The following IKBKB variants were observed in gnomAD, a reference collection of about 807,000 sequenced individuals.
The protein encoded by IKBKB is inhibitor of nuclear factor kappa B kinase subunit beta, also known as inhibitor of nuclear factor kappa-B kinase subunit beta.
A neutral mutation model predicts 113.6 loss-of-function variants in IKBKB; 42 were observed. That is an observed-to-expected ratio of 0.37 (90% CI 0.29 to 0.48). IKBKB has a LOEUF of 0.48. Ranked by LOEUF, IKBKB falls within the 20% of genes least tolerant of loss-of-function variation. The pLI is 0.99. For synonymous variants in IKBKB, 296 were observed against 361.3 expected (o/e 0.82, Z 2.05); for missense variants, 673 against 939.7 (o/e 0.72, Z 3.71).
chr8:42,298,518 G>C, intron 5 of IKBKB: 1 of 977,964 alleles, frequency 1.0e-6, no homozygotes, highest in Non-Finnish European at 1.2e-6. Context: ...TGGATCTTCT[G>C]ACTGGTTCCA....
Position 42,331,427 on chromosome 8 carries a change from G to C in IKBKB, c.*448G>C. 2.8e-6 allele frequency: 2 copies of C among 702,576 alleles called. No individual in the cohort carries two copies. The highest frequency in any genetic ancestry group is 5.2e-6 in the Non-Finnish European group (2 of 384,990). 43.5% of individuals were successfully genotyped at this position (702,576 alleles called of 1,614,324 possible). A position where few individuals can be genotyped will look rare whatever the true frequency, so the allele number is the denominator to read the frequency against. ...TCAGGGCAGAGTCCGAGCAGCGCTT[G>C]GTGACAGCCTGTCCTCTCCTGCTCT... On this transcript the variant is annotated 3_prime_UTR_variant, in exon 22 of 22. Transcript: ENST00000520810.
In IKBKB at chr8:42,320,764, G is replaced by A. The variant is rs1819615067; in HGVS notation, c.1608G>A (p.Arg536=). 1.2e-6 allele frequency: 2 copies of A among 1,612,738 alleles called. No individual in the cohort carries two copies. The highest frequency in any genetic ancestry group is 2.7e-5 in the African/African-American group (2 of 74,836). ...ACGAAGTGAAACTCCTGGTAGAACG[G>A]ATGATGGCTCTGCAGACCGACATTG... ...RENEVKLLVE[R]MMALQTDIVD... Residue 536 remains arginine, a synonymous_variant, in exon 16 of 22, where the codon CGG becomes CGA. Coordinates refer to ENST00000520810, the MANE Select transcript of IKBKB (RefSeq NM_001556.3).
At chr8:42,274,064 A>G (rs1808398533) in intron 2 of IKBKB, among the ~76,000 whole-genome samples, 1 of 151,312 alleles carries the variant, frequency 6.6e-6, no homozygotes, top group East Asian at 2.0e-4. Context: ...AGAGTCTCGC[A>G]CTGTTGCCCA....
chr8:42,313,780 T>G (rs1818169921), intron 8 of IKBKB, among the ~76,000 whole-genome samples: 1 of 152,220 alleles, frequency 6.6e-6, no homozygotes, highest in Admixed American at 6.5e-5. Context: ...TGCTAAAGGT[T>G]GCTCTTCAAA....
At chr8:42,298,179 C>T in intron 5 of IKBKB, 1 of 985,462 alleles carries the variant, frequency 1.0e-6, no homozygotes, top group Non-Finnish European at 1.2e-6. Context: ...ATTCTGGGCA[C>T]TCAAGATTGC....
In IKBKB at chr8:42,319,329, T is replaced by C. The variant is rs200031466; in HGVS notation, c.1424T>C (p.Met475Thr). Residue 475 changes from methionine (M) to threonine (T), a missense_variant, in exon 14 of 22, where the codon ATG (methionine) becomes ACG (threonine). Physicochemically the swap from Met to Thr is moderately conservative, Grantham distance 81. Coordinates refer to ENST00000520810, the MANE Select transcript of IKBKB (RefSeq NM_001556.3). The stretch of plus-strand genomic sequence containing the variant: ...AAAATGAAGAATTCCATGGCTTCCA[T>C]GTCTCAGCAGCTCAAGGCCAAGTTG... ...LSKMKNSMASMSQQLKAKLDF... is the reference protein window; with the variant it reads ...LSKMKNSMASTSQQLKAKLDF... The C allele has an allele frequency of 1.9e-6, 3 of 1,614,166 alleles. No homozygotes were observed. Among genetic ancestry groups the C allele is most frequent in the Non-Finnish European group, 2.5e-6 (3 of 1,180,004 alleles).
intron 15 of IKBKB, chr8:42,320,113 T>C (rs902626550): frequency 1.9e-5 from 3 of 158,980 alleles, no homozygotes; most frequent in East Asian, 1.9e-4. Context: ...TGTGACTTAA[T>C]GAACCTCACA....
chr8:42,285,833 A>G (rs1811310705), intron 2 of IKBKB, among the ~76,000 whole-genome samples: 1 of 152,210 alleles, frequency 6.6e-6, no homozygotes. Flanking sequence ...ATGATATATG[A>G]TTCCATTTAT....
intron 5 of IKBKB, among the ~76,000 whole-genome samples, chr8:42,303,411 T>TA (rs1289797572): frequency 6.6e-6 from 1 of 152,222 alleles, no homozygotes; most frequent in Non-Finnish European, 1.5e-5. Flanking sequence ...AGATATGCAG[T>TA]AAGTATCCTT....
chr8:42,314,966 A>G (rs1818402701), intron 9 of IKBKB, among the ~76,000 whole-genome samples: 1 of 152,128 alleles, frequency 6.6e-6, no homozygotes, highest in South Asian at 2.1e-4. Context: ...CAATTTATCT[A>G]TACCTCTTAT....
At chr8:42,287,130 C>T (rs1036797758) in intron 2 of IKBKB, among the ~76,000 whole-genome samples, 2 of 152,128 alleles carry the variant, frequency 1.3e-5, no homozygotes, top group African/African-American at 2.4e-5. Context: ...CTGGAGTGCC[C>T]GAGGCCAGAG....
At chr8:42,298,775 C>T (rs1234334438) in intron 5 of IKBKB, among the ~76,000 whole-genome samples, 1 of 152,076 alleles carries the variant, frequency 6.6e-6, no homozygotes, top group Non-Finnish European at 1.5e-5. Context: ...TCTAGGGCCC[C>T]GTCTCCCTCT....
intron 20 of IKBKB, 59 bp downstream of exon 20, chr8:42,326,156 A>T: frequency 1.3e-6 from 2 of 1,599,064 alleles, no homozygotes; most frequent in South Asian, 1.1e-5. Flanking sequence ...GAGATCGGGG[A>T]TGGAGGCGTT....
intron 15 of IKBKB, 132 bp from the exon 16 acceptor site, chr8:42,320,603 A>T (rs1487306741): frequency 2.8e-6 from 2 of 725,434 alleles, no homozygotes; most frequent in Non-Finnish European, 4.8e-6. Context: ...CCCACAGTCC[A>T]CATTCCTTTG....
Position 42,331,031 on chromosome 8 carries a change from C to CG in IKBKB, c.*52_*53insG. ...GGGGCAGCCCATAGCAGGCCTTGTG[C>CG]AGTGGGGGGACTCGACCCCCTGACA... On this transcript the variant is annotated 3_prime_UTR_variant, in exon 22 of 22. Coordinates refer to ENST00000520810, the MANE Select transcript of IKBKB (RefSeq NM_001556.3). The CG allele has an allele frequency of 6.3e-7, 1 of 1,597,358 alleles. No homozygotes were observed. The highest frequency in any genetic ancestry group is 8.5e-7 in the Non-Finnish European group (1 of 1,169,904).
intron 19 of IKBKB, 139 bp from the exon 20 acceptor site, chr8:42,325,831 G>A (rs1437868757): frequency 6.7e-7 from 1 of 1,490,866 alleles, no homozygotes; most frequent in East Asian, 2.4e-5. Context: ...ACCCGCAGGT[G>A]GGGGTGCCAA....
At chr8:42,299,514 G>C (rs1194348159) in intron 5 of IKBKB, among the ~76,000 whole-genome samples, 3 of 151,858 alleles carry the variant, frequency 2.0e-5, no homozygotes, top group Non-Finnish European at 4.4e-5. Flanking sequence ...CAGCCTCCAG[G>C]CGTGACCCTC....
rs750363305 is a variant in IKBKB, at chr8:42,316,336, A to T, written c.927A>T (p.Leu309Phe). ...AGGCCCTGGATGACATCTTAAACTT[A>T]AAGGTGAGTGTGGAGCCAAGTTAGC... ...CFKALDDILN[L>F]KLVHILNMVT... is the part of the protein sequence containing the mutation. Residue 309 changes from leucine to phenylalanine, a missense_variant, in exon 10 of 22, where the codon TTA becomes TTT. By Grantham distance (22) the Leu-to-Phe change is conservative. Transcript: ENST00000520810. This position sits in a 1 kb window ranked among gnomAD's most constrained non-coding sequence, Gnocchi z 4.5. 6.2e-7 allele frequency: 1 copy of T among 1,614,166 alleles called. No individual in the cohort carries two copies. Among genetic ancestry groups the T allele is most frequent in the Non-Finnish European group, 8.5e-7 (1 of 1,180,020 alleles).
intron 5 of IKBKB, among the ~76,000 whole-genome samples, chr8:42,296,457 C>T (rs1405765114): frequency 6.6e-6 from 1 of 152,162 alleles, no homozygotes; most frequent in Non-Finnish European, 1.5e-5. Context: ...TGGTGAAACC[C>T]CGTCTCTACT....
Sources: gnomAD v4.1 joint callset for allele counts (sites outside exome capture counted in the v4.1 genomes callset) on GRCh38, gnomAD v4.1.1 for gene constraint, Gnocchi (gnomAD v3.1) non-coding constraint, MANE v1.5 for transcripts, NCBI Gene and HGNC (gene_info 2026-07-23, HGNC 2026-07-21) for gene names.